The following PLPPR1 variants were observed in gnomAD, a reference collection of about 807,000 sequenced individuals.
PLPPR1 encodes phospholipid phosphatase related 1.
PLPPR1 carries 10 observed loss-of-function variants against 33.1 expected under a neutral mutation model. The observed-to-expected ratio is 0.30, with a 90% confidence interval of 0.19 to 0.51. The LOEUF (loss-of-function observed/expected upper bound fraction) is 0.51, where lower values mean the gene tolerates loss of function less well. Ranked by LOEUF, PLPPR1 falls within the 20% of genes least tolerant of loss-of-function variation. PLPPR1 has a pLI of 0.97. For missense variants in PLPPR1, 304 were observed against 408.1 expected (o/e 0.74, Z 2.20); for synonymous variants, 151 against 151.0 (o/e 1.00, Z 0.00).
chr9:101,224,067 A>G (rs1827009263), intron 2 of PLPPR1, among the ~76,000 whole-genome samples: 1 of 152,118 alleles, frequency 6.6e-6, no homozygotes, highest in South Asian at 2.1e-4. Context: ...TATTATAGAG[A>G]TGGAATAACA....
chr9:101,292,627 G>A (rs1003098638), intron 4 of PLPPR1, among the ~76,000 whole-genome samples: 2 of 151,584 alleles, frequency 1.3e-5, no homozygotes, highest in African/African-American at 4.9e-5. Flanking sequence ...AGAGAGTTGG[G>A]CGGGGCGGGG....
rs546906894 is a variant in PLPPR1 at position 101,266,396 on chromosome 9, C to CAAA, written c.64-3475_64-3473dup. On this transcript the variant is annotated intron_variant, in intron 2 of 7. Transcript: ENST00000374874. ...GGAAGACAGAATGAGACCCTGTCTC[C>CAAA]AAAAAAAAAAAGAAAGAAAGAAAGA... is the stretch of plus-strand genomic sequence containing the variant. Among the ~76,000 whole-genome samples the CAAA allele has an allele frequency of 5.4e-4, 62 of 113,928 alleles. 1 individual carries two copies. In the East Asian group the frequency reaches 8.5e-3, roughly 16 times the overall value. The allele number at this position is 113,928 out of a possible 152,430, so 74.7% of individuals were successfully genotyped here.
intron 1 of PLPPR1, among the ~76,000 whole-genome samples, chr9:101,134,600 T>A (rs1395141623): frequency 6.6e-6 from 1 of 152,036 alleles, no homozygotes; most frequent in Non-Finnish European, 1.5e-5. Context: ...CCCAAGCTGG[T>A]CTTGAACTCC....
At chr9:101,044,917 C>T (rs1184406042) in intron 1 of PLPPR1, among the ~76,000 whole-genome samples, 1 of 152,138 alleles carries the variant, frequency 6.6e-6, no homozygotes, top group African/African-American at 2.4e-5. Flanking sequence ...TTACTATGTT[C>T]CCTTCTTAAT....
chr9:101,197,575 C>T (rs900265038), intron 2 of PLPPR1, among the ~76,000 whole-genome samples: 6 of 152,120 alleles, frequency 3.9e-5, no homozygotes, highest in African/African-American at 7.2e-5. Flanking sequence ...CCAGTCCAAC[C>T]GGGCAAGACA....
At chr9:101,240,894 T>A (rs1827451392) in intron 2 of PLPPR1, among the ~76,000 whole-genome samples, 1 of 152,190 alleles carries the variant, frequency 6.6e-6, no homozygotes, top group East Asian at 1.9e-4. Context: ...CATTCCCTCC[T>A]TTTATTTGCA....
intron 4 of PLPPR1, among the ~76,000 whole-genome samples, chr9:101,290,778 G>A (rs1828483395): frequency 6.6e-6 from 1 of 152,166 alleles, no homozygotes. Flanking sequence ...AAAACACTAT[G>A]AATCCGATCC....
intron 2 of PLPPR1, among the ~76,000 whole-genome samples, chr9:101,262,920 T>C (rs1022925586): frequency 6.6e-6 from 1 of 151,988 alleles, no homozygotes; most frequent in Non-Finnish European, 1.5e-5. Context: ...AACCAAACAA[T>C]GCATATTCTC....
chr9:101,263,798 A>G (rs975871927), intron 2 of PLPPR1, among the ~76,000 whole-genome samples: 26 of 152,158 alleles, frequency 1.7e-4, no homozygotes, highest in African/African-American at 6.3e-4. Flanking sequence ...ACCACCCACC[A>G]TGGTTGGGCA....
intron 2 of PLPPR1, among the ~76,000 whole-genome samples, chr9:101,194,183 C>T (rs1299648293): frequency 1.3e-5 from 2 of 152,128 alleles, no homozygotes; most frequent in Non-Finnish European, 2.9e-5. Flanking sequence ...TGATTTCAAG[C>T]ATATTCTATA....
At position 101,300,885 on chromosome 9, in the gene PLPPR1, G is replaced by A. The variant is rs558209682; in HGVS notation, c.386-8326G>A. On this transcript the variant is annotated intron_variant, in intron 4 of 7. Coordinates refer to ENST00000374874, the MANE Select transcript of PLPPR1 (RefSeq NM_207299.2). Reference sequence around the variant, plus strand: ...ATTAAGCAGCATTTGGCATTATACCGCCTAGAGGGACCGAGAAGATATTTA... The same window carrying A: ...ATTAAGCAGCATTTGGCATTATACCACCTAGAGGGACCGAGAAGATATTTA... 1.5e-3 allele frequency among the ~76,000 whole-genome samples: 227 copies of A among 152,196 alleles called. 1 individual carries two copies. Among genetic ancestry groups the A allele is most frequent in the African/African-American group, 5.1e-3 (210 of 41,526 alleles).
chr9:101,283,766 AT>A (rs1402949619), intron 3 of PLPPR1, among the ~76,000 whole-genome samples: 1 of 152,194 alleles, frequency 6.6e-6, no homozygotes, highest in Non-Finnish European at 1.5e-5. Context: ...AATAAAGATT[AT>A]TAAAATATAA....
chr9:101,182,611 G>T lies in PLPPR1; in HGVS notation c.-45-2839G>T, dbSNP rs576829337. 3.3e-5 allele frequency among the ~76,000 whole-genome samples: 5 copies of T among 151,742 alleles called. No homozygotes were observed. The South Asian group carries it at 1.0e-3, about 31-fold the overall frequency. ...GTGGTTGTTGCATAATACTGTGAAG[G>T]TACTCAATGTCACTGAATTGTATTC... On this transcript the variant is annotated intron_variant, in intron 1 of 7. Transcript: ENST00000374874.
intron 2 of PLPPR1, among the ~76,000 whole-genome samples, chr9:101,214,475 G>A (rs545336317): frequency 4.6e-5 from 7 of 152,138 alleles, no homozygotes; most frequent in African/African-American, 1.2e-4. Context: ...AAATCAAAAC[G>A]CCAGTAGTAA....
chr9:101,224,111 G>A (rs1216189051), intron 2 of PLPPR1, among the ~76,000 whole-genome samples: 2 of 152,082 alleles, frequency 1.3e-5, no homozygotes. Context: ...GCTATTGTGA[G>A]GAATAAATAA....
At chr9:101,180,333 A>T (rs892938683) in intron 1 of PLPPR1, among the ~76,000 whole-genome samples, 3 of 151,286 alleles carry the variant, frequency 2.0e-5, no homozygotes, top group African/African-American at 4.9e-5. Context: ...AGGTCTATAG[A>T]TTCAATGAAA....
chr9:101,160,053 G>A (rs1402756492), intron 1 of PLPPR1, among the ~76,000 whole-genome samples: 2 of 152,312 alleles, frequency 1.3e-5, no homozygotes, highest in Non-Finnish European at 2.9e-5. Context: ...AGAATGCTAA[G>A]TGTAGATGAA....
chr9:101,194,810 A>C (rs756493804), intron 2 of PLPPR1, among the ~76,000 whole-genome samples: 3 of 152,182 alleles, frequency 2.0e-5, no homozygotes, highest in Non-Finnish European at 4.4e-5. Context: ...TTTTTAAATA[A>C]GGTATTGACC....
At chr9:101,316,886 C>T (rs115647279) in intron 6 of PLPPR1, among the ~76,000 whole-genome samples, 168 of 152,146 alleles carry the variant, frequency 1.1e-3, no homozygotes, top group African/African-American at 3.9e-3. Context: ...GATTTAAGGG[C>T]TCTGGAGTTT....
Sources: allele counts gnomAD v4.1 joint callset (sites outside exome capture counted in the v4.1 genomes callset), GRCh38; gene constraint gnomAD v4.1.1; transcripts MANE v1.5; gene names NCBI Gene and HGNC (gene_info 2026-07-23, HGNC 2026-07-21).